The following IQCM variants were observed in gnomAD, a reference collection of about 807,000 sequenced individuals.
IQCM encodes the protein IQ domain-containing protein M.
A neutral mutation model predicts 57.6 loss-of-function variants in IQCM; 45 were observed. That is an observed-to-expected ratio of 0.78 (90% CI 0.62 to 1.00). The LOEUF (loss-of-function observed/expected upper bound fraction) is 1.00. IQCM is among the 50% of genes least tolerant of loss of function. The pLI is 0.00. For synonymous variants in IQCM, 148 were observed against 158.9 expected (o/e 0.93, Z 0.51); for missense variants, 468 against 511.6 (o/e 0.91, Z 0.82).
chr4:149,462,095 G>C (rs1314666418), intron 12 of IQCM, among the ~76,000 whole-genome samples: 1 of 152,040 alleles, frequency 6.6e-6, no homozygotes, highest in Non-Finnish European at 1.5e-5. Flanking sequence ...AATACATATT[G>C]AGTGATCTAT....
intron 8 of IQCM, among the ~76,000 whole-genome samples, chr4:149,600,996 A>G (rs78288811): frequency 0.017 from 2,621 of 152,214 alleles, 79 homozygotes; most frequent in African/African-American, 0.061. Flanking sequence ...TGGCATTCCT[A>G]CCCCACACAA....
intron 12 of IQCM, among the ~76,000 whole-genome samples, chr4:149,439,661 A>G (rs555074449): frequency 1.6e-4 from 25 of 152,172 alleles, no homozygotes; most frequent in Non-Finnish European, 2.8e-4. Flanking sequence ...CTATTTTAAA[A>G]ATATAAATAT....
chr4:149,786,030 T>G (rs1174129449), intron 2 of IQCM, among the ~76,000 whole-genome samples: 1 of 152,174 alleles, frequency 6.6e-6, no homozygotes, highest in African/African-American at 2.4e-5. Flanking sequence ...TAAATTATAT[T>G]ATAATGTGTA....
At chr4:149,649,435 T>C (rs980637774) in intron 7 of IQCM, among the ~76,000 whole-genome samples, 1 of 152,138 alleles carries the variant, frequency 6.6e-6, no homozygotes, top group African/African-American at 2.4e-5. Context: ...CACTCCAATA[T>C]TTCACTTCCT....
chr4:149,450,613 C>T (rs1254471897), intron 12 of IQCM, among the ~76,000 whole-genome samples: 1 of 151,732 alleles, frequency 6.6e-6, no homozygotes, highest in Non-Finnish European at 1.5e-5. Context: ...AAAATGTGCT[C>T]AACATCAGTG....
chr4:149,355,913 CTGACT>C lies in IQCM; in HGVS notation c.1391-3852_1391-3848del, dbSNP rs541305410. 3.2e-4 allele frequency among the ~76,000 whole-genome samples: 48 copies of C among 152,174 alleles called. 1 individual carries two copies. In the South Asian group the frequency reaches 1.0e-2, roughly 32 times the overall value. On this transcript the variant is annotated intron_variant, in intron 13 of 13. Transcript: ENST00000636793. ...CATCCTCTCCAGCACCTGTTGTTTC[CTGACT>C]TTTTAATGATCGCCATTCTAACTGG...
At chr4:149,399,723 C>T (rs897547233) in intron 13 of IQCM, among the ~76,000 whole-genome samples, 10 of 152,076 alleles carry the variant, frequency 6.6e-5, no homozygotes, top group Admixed American at 5.9e-4. Context: ...CAACTTCTGG[C>T]AGGCTGCTTA....
chr4:149,617,442 A>C (rs1006466729), intron 8 of IQCM, among the ~76,000 whole-genome samples: 1 of 152,200 alleles, frequency 6.6e-6, no homozygotes, highest in African/African-American at 2.4e-5. Context: ...TGAGTGTTTG[A>C]ATATCATTCT....
chr4:149,585,003 T>C (rs1216589399), intron 9 of IQCM, among the ~76,000 whole-genome samples: 1 of 151,740 alleles, frequency 6.6e-6, no homozygotes, highest in African/African-American at 2.4e-5. Flanking sequence ...AAAATACTGC[T>C]GAGTGGGTAC....
At chr4:149,490,850 G>A (rs113866305) in intron 12 of IQCM, among the ~76,000 whole-genome samples, 3 of 152,198 alleles carry the variant, frequency 2.0e-5, no homozygotes, top group African/African-American at 7.2e-5. Context: ...ACAATCGCCC[G>A]TGACCTGGAT....
chr4:149,421,270 C>T (rs1403415590), intron 13 of IQCM, among the ~76,000 whole-genome samples: 1 of 151,926 alleles, frequency 6.6e-6, no homozygotes, highest in East Asian at 1.9e-4. Context: ...TTGAACCTTT[C>T]CTTCCAATAA....
At chr4:149,699,328 T>C (rs1000715174) in intron 5 of IQCM, among the ~76,000 whole-genome samples, 1 of 152,050 alleles carries the variant, frequency 6.6e-6, no homozygotes. Flanking sequence ...ATAATACCAA[T>C]TATCTACTAG....
intron 13 of IQCM, among the ~76,000 whole-genome samples, chr4:149,417,052 G>A (rs577854241): frequency 6.6e-6 from 1 of 152,142 alleles, no homozygotes; most frequent in East Asian, 1.9e-4. Flanking sequence ...ACTCTCATAT[G>A]GTTTCCAGTT....
intron 13 of IQCM, among the ~76,000 whole-genome samples, chr4:149,422,731 G>T (rs1453291984): frequency 6.6e-6 from 1 of 151,948 alleles, no homozygotes; most frequent in African/African-American, 2.4e-5. Context: ...CTTAGCCTCT[G>T]TGCCCTCAGC....
chr4:149,569,220 T>G (rs1750926758), intron 9 of IQCM, among the ~76,000 whole-genome samples: 1 of 152,206 alleles, frequency 6.6e-6, no homozygotes, highest in Admixed American at 6.5e-5. Context: ...AGTTTTGTGA[T>G]GCCATTGTGG....
At chr4:149,442,885 TC>T (rs1474107365) in intron 12 of IQCM, among the ~76,000 whole-genome samples, 2 of 149,334 alleles carry the variant, frequency 1.3e-5, no homozygotes, top group Admixed American at 1.3e-4. Context: ...TAGTCAGTGT[TC>T]AACTGATATA....
intron 12 of IQCM, among the ~76,000 whole-genome samples, chr4:149,513,643 A>G (rs960298138): frequency 6.6e-6 from 1 of 152,186 alleles, no homozygotes; most frequent in Non-Finnish European, 1.5e-5. Context: ...TGCATTCTAT[A>G]AGCTTTATTA....
chr4:149,735,830 G>C (rs1163238974), intron 3 of IQCM, among the ~76,000 whole-genome samples: 1 of 151,906 alleles, frequency 6.6e-6, no homozygotes, highest in Admixed American at 6.6e-5. Context: ...CTTCCAACTT[G>C]TTGATAAAAT....
At chr4:149,354,382 A>AAAAAAAAC (rs1553953462) in intron 13 of IQCM, among the ~76,000 whole-genome samples, 2,123 of 136,460 alleles carry the variant, frequency 0.016, 137 homozygotes, top group Admixed American at 0.024. Flanking sequence ...AAAAAAAAAA[A>AAAAAAAAC]AAAAAAACTG....
Sources: gnomAD v4.1 joint callset for allele counts (sites outside exome capture counted in the v4.1 genomes callset) on GRCh38, gnomAD v4.1.1 for gene constraint, MANE v1.5 for transcripts, NCBI Gene and HGNC (gene_info 2026-07-23, HGNC 2026-07-21) for gene names.